Variants in SNX29 observed in about 807,000 individuals in gnomAD.
SNX29 encodes sorting nexin-29.
SNX29 carries 78 observed loss-of-function variants against 102.1 expected under a neutral mutation model. The observed-to-expected ratio is 0.76, with a 90% confidence interval of 0.64 to 0.92. The LOEUF (loss-of-function observed/expected upper bound fraction) is 0.92, where lower values mean the gene tolerates loss of function less well. SNX29 is among the 40% of genes least tolerant of loss of function. The probability of loss-of-function intolerance (pLI) is 0.00; values close to 1 mark genes in which losing one functional copy is unlikely to be tolerated. For missense variants in SNX29, 1,280 were observed against 1,061.7 expected, an observed-to-expected ratio of 1.21 and a Z score of -2.86; for synonymous variants, 580 against 414.5, an observed-to-expected ratio of 1.40 and a Z score of -4.85.
At chr16:12,343,747 C>T (rs2081687196) in intron 15 of SNX29, among the ~76,000 whole-genome samples, 1 of 152,018 alleles carries the variant, frequency 6.6e-6, no homozygotes, top group Admixed American at 6.6e-5. Context: ...GTCCTTGTCA[C>T]ACTGATGCCC....
intron 18 of SNX29, among the ~76,000 whole-genome samples, chr16:12,422,207 A>T (rs976698384): frequency 6.6e-6 from 1 of 152,186 alleles, no homozygotes; most frequent in Non-Finnish European, 1.5e-5. Context: ...CTGCCACTCA[A>T]TGGCTGTGTG....
chr16:12,421,152 T>G (rs1567545938), intron 18 of SNX29, among the ~76,000 whole-genome samples: 2 of 152,232 alleles, frequency 1.3e-5, no homozygotes, highest in Admixed American at 6.5e-5. Context: ...CTTTGCACTC[T>G]GATCCACAAT....
At chr16:12,401,602 G>A (rs2083946630) in intron 17 of SNX29, among the ~76,000 whole-genome samples, 1 of 152,040 alleles carries the variant, frequency 6.6e-6, no homozygotes, top group African/African-American at 2.4e-5. Context: ...GACCTCAGAT[G>A]ATCCACCTTC....
At chr16:12,166,103 C>T (rs1328199015) in intron 13 of SNX29, among the ~76,000 whole-genome samples, 2 of 152,162 alleles carry the variant, frequency 1.3e-5, no homozygotes, top group South Asian at 2.1e-4. Flanking sequence ...TTGCCGTTAT[C>T]GTAATAATAG....
intron 11 of SNX29, among the ~76,000 whole-genome samples, chr16:12,106,420 A>G (rs2053243264): frequency 6.6e-6 from 1 of 151,910 alleles, no homozygotes; most frequent in African/African-American, 2.4e-5. Flanking sequence ...CATCACATGC[A>G]CATTTCTGCC....
At chr16:12,417,696 C>T (rs879014324) in intron 18 of SNX29, among the ~76,000 whole-genome samples, 1 of 151,230 alleles carries the variant, frequency 6.6e-6, no homozygotes, top group Non-Finnish European at 1.5e-5. Context: ...TGTTCTGTGT[C>T]CTCTCTTCTC....
chr16:12,177,897 G>A (rs553425194), intron 13 of SNX29, among the ~76,000 whole-genome samples: 1 of 152,258 alleles, frequency 6.6e-6, no homozygotes, highest in South Asian at 2.1e-4. Context: ...TTAGGTTCTT[G>A]TTGGGAGAAC....
chr16:12,273,408 T>C (rs2079150695), intron 14 of SNX29, among the ~76,000 whole-genome samples: 1 of 151,908 alleles, frequency 6.6e-6, no homozygotes, highest in Non-Finnish European at 1.5e-5. Context: ...GCTCAGGCTG[T>C]AGTGCAATGG....
intron 11 of SNX29, among the ~76,000 whole-genome samples, chr16:12,110,870 C>G (rs1343622462): frequency 2.0e-5 from 3 of 151,792 alleles, no homozygotes; most frequent in African/African-American, 7.3e-5. Context: ...GTTGCCCAGG[C>G]TGGAGTGCAG....
intron 20 of SNX29, among the ~76,000 whole-genome samples, chr16:12,539,679 G>A (rs568652996): frequency 7.2e-5 from 11 of 152,290 alleles, no homozygotes; most frequent in East Asian, 5.8e-4. Flanking sequence ...CAGTTGCTCT[G>A]CACCCTGGGC....
intron 14 of SNX29, among the ~76,000 whole-genome samples, chr16:12,275,957 A>G (rs1014321193): frequency 6.5e-5 from 9 of 139,466 alleles, no homozygotes; most frequent in African/African-American, 2.5e-4. Context: ...CAGTGGCACC[A>G]TCTCGGCTCG....
At chr16:12,064,588 A>C (rs2050936511) in intron 9 of SNX29, among the ~76,000 whole-genome samples, 1 of 152,258 alleles carries the variant, frequency 6.6e-6, no homozygotes, top group African/African-American at 2.4e-5. Flanking sequence ...GGCTGCGCAC[A>C]GGGGCAGGAC....
intron 1 of SNX29, among the ~76,000 whole-genome samples, chr16:11,997,762 A>G (rs2056139979): frequency 6.6e-6 from 1 of 152,140 alleles, no homozygotes; most frequent in African/African-American, 2.4e-5. Context: ...TACAGGTGTG[A>G]GCCACTGTAC....
chr16:12,312,583 A>AG (rs1309684486), intron 15 of SNX29, among the ~76,000 whole-genome samples: 2 of 152,058 alleles, frequency 1.3e-5, no homozygotes, highest in African/African-American at 4.8e-5. Flanking sequence ...AGGGGAGGCC[A>AG]GGGGGTCTCG....
At chr16:12,566,154 CA>C (rs2078996424) in intron 20 of SNX29, among the ~76,000 whole-genome samples, 1 of 152,228 alleles carries the variant, frequency 6.6e-6, no homozygotes, top group Non-Finnish European at 1.5e-5. Flanking sequence ...CCTACAGAAA[CA>C]CAGCTAGTTG....
At chr16:12,131,562 C>T (rs1248926773) in intron 13 of SNX29, among the ~76,000 whole-genome samples, 2 of 152,106 alleles carry the variant, frequency 1.3e-5, no homozygotes, top group African/African-American at 4.8e-5. Context: ...ATTAAATTGC[C>T]CATTCCAGAT....
chr16:12,424,168 G>C (rs568290483), intron 18 of SNX29, among the ~76,000 whole-genome samples: 8 of 152,294 alleles, frequency 5.3e-5, no homozygotes, highest in African/African-American at 1.9e-4. Flanking sequence ...CTCTTCCCAG[G>C]TAGCAGTGCA....
chr16:12,135,900 G>C (rs116035137), intron 13 of SNX29, among the ~76,000 whole-genome samples: 3,208 of 152,264 alleles, frequency 0.021, 75 homozygotes, highest in African/African-American at 0.057. Context: ...CTTCTGGTTG[G>C]TTGAGAGTCA....
intron 13 of SNX29, among the ~76,000 whole-genome samples, chr16:12,141,310 C>A (rs1288781336): frequency 6.6e-6 from 1 of 152,184 alleles, no homozygotes; most frequent in African/African-American, 2.4e-5. Flanking sequence ...CTGCCTTGGC[C>A]TTTCAGGACA....
Sources: gnomAD v4.1 joint callset for allele counts (sites outside exome capture counted in the v4.1 genomes callset) on GRCh38, gnomAD v4.1.1 for gene constraint, MANE v1.5 for transcripts, NCBI Gene and HGNC (gene_info 2026-07-23, HGNC 2026-07-21) for gene names.